The following SPDYE3 variants were observed in gnomAD, a reference collection of about 807,000 sequenced individuals.
The protein encoded by SPDYE3 is speedy/RINGO cell cycle regulator family member E3.
A neutral mutation model predicts 55.0 loss-of-function variants in SPDYE3; 15 were observed. That is an observed-to-expected ratio of 0.27 (90% confidence interval 0.18 to 0.42). The LOEUF is 0.42. Ranked by LOEUF, SPDYE3 falls within the 10% of genes least tolerant of loss-of-function variation. The pLI is 1.00. For synonymous variants in SPDYE3, 89 were observed against 229.9 expected (o/e 0.39, Z 5.55); for missense variants, 236 against 576.7 (o/e 0.41, Z 6.05).
chr7:100,317,975 CAAAAAAAA>C (rs1159920205), intron 8 of SPDYE3, among the ~76,000 whole-genome samples: 1 of 43,852 alleles, frequency 2.3e-5, no homozygotes, highest in Non-Finnish European at 5.3e-5. Context: ...GACTCCGTCT[CAAAAAAAA>C]AAAAAAAAAA....
rs3991533 is a variant in SPDYE3, at chr7:100,316,864, T to C, written c.1261-206T>C. On this transcript the variant is annotated intron_variant, in intron 7 of 10. Transcript: ENST00000332397. ...AGCCCACCATCCTGGGAGCATCACC[T>C]AAAACCCTTCCTCCGGCTTCTCGGA... 1.8e-3 allele frequency among the ~76,000 whole-genome samples: 275 copies of C among 152,186 alleles called. 1 individual carries two copies. Among genetic ancestry groups the C allele is most frequent in the Non-Finnish European group, 1.9e-3 (129 of 68,014 alleles).
rs1461873275 is a variant in SPDYE3 at position 100,321,760 on chromosome 7, A to G, written c.*915A>G. 1 of 149,676 alleles carries G rather than the reference A, an allele frequency of 6.7e-6. No individual in the cohort carries two copies. Among genetic ancestry groups the G allele is most frequent in the South Asian group, 2.1e-4 (1 of 4,820 alleles). The allele number at this position is 149,676 out of a possible 1,614,324, so 9.3% of individuals were successfully genotyped here. A position where few individuals can be genotyped will look rare whatever the true frequency, so the allele number is the denominator to read the frequency against. On this transcript the variant is annotated 3_prime_UTR_variant, in exon 11 of 11. Coordinates refer to ENST00000332397, the MANE Select transcript of SPDYE3 (RefSeq NM_001004351.5). The stretch of plus-strand genomic sequence containing the variant: ...CTAACATGTCTAATATATACTATCT[A>G]TTTTATTGATTTATTTCGAAAAAGA...
chr7:100,321,889 T>TTAC lies in SPDYE3; in HGVS notation c.*1046_*1048dup, dbSNP rs1789587783. On this transcript the variant is annotated 3_prime_UTR_variant, in exon 11 of 11. Coordinates refer to ENST00000332397, the MANE Select transcript of SPDYE3 (RefSeq NM_001004351.5). ...AATATATTTATTTATTTAAATGTTA[T>TTAC]TACTTTAAATATTATTTTAAATATT... 9.1e-6 allele frequency: 1 copy of TTAC among 109,562 alleles called. No homozygotes were observed. Among genetic ancestry groups the TTAC allele is most frequent in the South Asian group, 3.2e-4 (1 of 3,144 alleles). 6.8% of individuals were successfully genotyped at this position (109,562 alleles called of 1,614,324 possible).
At chr7:100,316,803 C>T (rs1016737733) in intron 7 of SPDYE3, among the ~76,000 whole-genome samples, 10 of 152,136 alleles carry the variant, frequency 6.6e-5, no homozygotes, top group Admixed American at 5.9e-4. Flanking sequence ...CTGACACCAG[C>T]CGACCTAGAC....
At chr7:100,320,174 C>T (rs1193513701) in intron 10 of SPDYE3, 139 bp downstream of exon 10, 1 of 1,480,012 alleles carries the variant, frequency 6.8e-7, no homozygotes, top group Non-Finnish European at 9.0e-7. Context: ...AAAAATTAGC[C>T]AGGCGATGTG....
At position 100,307,976 on chromosome 7, in the gene SPDYE3, G is replaced by C. The variant is rs754815513; in HGVS notation, c.91G>C (p.Val31Leu). The C allele has an allele frequency of 2.0e-5, 31 of 1,558,530 alleles. No individual in the cohort carries two copies. Among genetic ancestry groups the C allele is most frequent in the Non-Finnish European group, 2.5e-5 (29 of 1,160,194 alleles). Residue 31 changes from valine to leucine, a missense_variant, in exon 1 of 11, where the codon GTG (valine) becomes CTG (leucine). Coordinates refer to ENST00000332397, the MANE Select transcript of SPDYE3 (RefSeq NM_001004351.5). ...YPLQEVVDDE[V>L]SGPSAPGVDP... is the part of the protein sequence containing the mutation. ...CCTCCAGGAGGTGGTGGATGATGAAGTGTCGGGACCATCAGGTGAGGGGAC... is the reference window on the plus strand; with the variant it reads ...CCTCCAGGAGGTGGTGGATGATGAACTGTCGGGACCATCAGGTGAGGGGAC...
chr7:100,309,651 G>T (rs1805912374), intron 2 of SPDYE3, among the ~76,000 whole-genome samples: 1 of 129,640 alleles, frequency 7.7e-6, no homozygotes, highest in Non-Finnish European at 1.7e-5. Flanking sequence ...AGCCTGGGAG[G>T]AAGAGGGTGC....
chr7:100,311,869 T>A lies in SPDYE3; in HGVS notation c.664T>A (p.Trp222Arg), dbSNP rs747944053. ...KELAPEPEET[W>R]VAETLCGLKM... The stretch of plus-strand genomic sequence containing the variant: ...GCTCGCCCCTGAGCCTGAGGAGACC[T>A]GGGTGGCAGAGACGCTGTGTGGCCT... Residue 222 changes from tryptophan to arginine, a missense_variant, in exon 4 of 11, where the codon TGG becomes AGG. Physicochemically the swap from Trp to Arg is moderately radical, Grantham distance 101. Transcript: ENST00000332397. 1.4e-5 allele frequency: 21 copies of A among 1,504,432 alleles called. 4 individuals are homozygous for A. Among genetic ancestry groups the A allele is most frequent in the Non-Finnish European group, 1.9e-5 (21 of 1,118,714 alleles). 93.2% of individuals were successfully genotyped at this position (1,504,432 alleles called of 1,614,324 possible).
At position 100,322,113 on chromosome 7, in the gene SPDYE3, A is replaced by G. The variant is rs1337382558; in HGVS notation, c.*1268A>G. On this transcript the variant is annotated 3_prime_UTR_variant, in exon 11 of 11. Transcript: ENST00000332397. ...AGGGAGCAGACTTTTTATCTATGAT[A>G]CTTAGTTAATGTATATATTACATTT... 6.6e-6 allele frequency: 1 copy of G among 152,058 alleles called. No individual in the cohort carries two copies. Among genetic ancestry groups the G allele is most frequent in the Non-Finnish European group, 1.5e-5 (1 of 68,008 alleles). 9.4% of individuals were successfully genotyped at this position (152,058 alleles called of 1,614,324 possible). A position where few individuals can be genotyped will look rare whatever the true frequency, so the allele number is the denominator to read the frequency against.
intron 6 of SPDYE3, 36 bp from the exon 7 acceptor site, chr7:100,315,749 C>T: frequency 1.3e-6 from 2 of 1,597,956 alleles, no homozygotes; most frequent in Non-Finnish European, 1.7e-6. Context: ...AAACCCTGTC[C>T]TGCTTCTCAC....
chr7:100,317,591 T>G (rs1806134379), intron 8 of SPDYE3, among the ~76,000 whole-genome samples: 1 of 144,530 alleles, frequency 6.9e-6, no homozygotes. Flanking sequence ...GGCAACAGAG[T>G]GAGACTTTTT....
intron 5 of SPDYE3, among the ~76,000 whole-genome samples, chr7:100,313,873 T>G (rs1584998355): frequency 4.9e-5 from 1 of 20,452 alleles, no homozygotes; most frequent in Non-Finnish European, 8.4e-5. Flanking sequence ...GGTGAGAGAG[T>G]GAGACGCTGT....
chr7:100,320,445 A>G (rs1441439480), intron 10 of SPDYE3: 2 of 1,027,840 alleles, frequency 1.9e-6, no homozygotes, highest in Middle Eastern at 8.7e-4. Flanking sequence ...TTGAGCACAG[A>G]GCATGAGACT....
intron 1 of SPDYE3, among the ~76,000 whole-genome samples, 188 bp downstream of exon 1, chr7:100,308,179 A>C (rs1805871713): frequency 6.6e-6 from 1 of 151,456 alleles, no homozygotes; most frequent in African/African-American, 2.4e-5. Flanking sequence ...AAAGTACAAA[A>C]ATTAGCCAGG....
At chr7:100,318,056 A>G (rs1349228002) in intron 8 of SPDYE3, among the ~76,000 whole-genome samples, 1 of 151,526 alleles carries the variant, frequency 6.6e-6, no homozygotes. Context: ...GGAGCGGAGG[A>G]GCGGACATGA....
rs1805854520 is a variant in SPDYE3, at chr7:100,307,718, C to A, written c.-168C>A. Reference sequence around the variant, plus strand: ...AGGACCGGACTCTGTCGGCGCCTGGCAGTTCAGGTGAACAACAGTAACTTC... The same window carrying A: ...AGGACCGGACTCTGTCGGCGCCTGGAAGTTCAGGTGAACAACAGTAACTTC... On this transcript the variant is annotated 5_prime_UTR_variant, in exon 1 of 11. Transcript: ENST00000332397. The A allele has an allele frequency of 1.2e-5, 17 of 1,388,708 alleles. No individual in the cohort carries two copies. Among genetic ancestry groups the A allele is most frequent in the Non-Finnish European group, 1.5e-5 (16 of 1,056,668 alleles). The allele number at this position is 1,388,708 out of a possible 1,614,324, so 86.0% of individuals were successfully genotyped here.
intron 8 of SPDYE3, among the ~76,000 whole-genome samples, 173 bp from the exon 9 acceptor site, chr7:100,319,392 C>T (rs1478154314): frequency 2.0e-5 from 3 of 152,138 alleles, no homozygotes; most frequent in Non-Finnish European, 2.9e-5. Flanking sequence ...GGGAGATGCC[C>T]TTGATCAGGT....
At chr7:100,315,604 T>C (rs1806084205) in intron 6 of SPDYE3, among the ~76,000 whole-genome samples, 181 bp from the exon 7 acceptor site, 1 of 151,808 alleles carries the variant, frequency 6.6e-6, no homozygotes, top group African/African-American at 2.4e-5. Context: ...CTCAGGGGAG[T>C]CTCAGAGCAG....
At chr7:100,318,363 C>G (rs1014073430) in intron 8 of SPDYE3, among the ~76,000 whole-genome samples, 2 of 152,136 alleles carry the variant, frequency 1.3e-5, no homozygotes, top group Non-Finnish European at 2.9e-5. Flanking sequence ...GTCCACAGTG[C>G]CAATTCCACC....
Sources: gnomAD v4.1 joint callset for allele counts (sites outside exome capture counted in the v4.1 genomes callset) on GRCh38, gnomAD v4.1.1 for gene constraint, MANE v1.5 for transcripts, NCBI Gene and HGNC (gene_info 2026-07-23, HGNC 2026-07-21) for gene names.